Variants in IL1RAPL1 observed in about 807,000 individuals in gnomAD.
The protein encoded by IL1RAPL1 is interleukin-1 receptor accessory protein-like 1.
In IL1RAPL1, 3 loss-of-function variants were observed where a neutral mutation model predicts 48.4. The ratio of observed to expected loss-of-function variants is 0.06; its 90% CI spans 0.03 to 0.16. The LOEUF (loss-of-function observed/expected upper bound fraction) is 0.16, where lower values mean the gene tolerates loss of function less well. Ranked by LOEUF, IL1RAPL1 falls within the 10% of genes least tolerant of loss-of-function variation. IL1RAPL1 has a pLI of 1.00. For synonymous variants in IL1RAPL1, 185 were observed against 187.7 expected (o/e 0.99, Z 0.12); for missense variants, 349 against 530.6 (o/e 0.66, Z 3.36).
At chrX:29,486,293 G>A (rs1383913575) in intron 5 of IL1RAPL1, among the ~76,000 whole-genome samples, 2 of 110,395 alleles carry the variant, frequency 1.8e-5, no homozygotes, top group African/African-American at 3.3e-5. Context: ...GTGTTTGTTT[G>A]TTTTCCTGTG....
chrX:29,638,602 A>G lies in IL1RAPL1; in HGVS notation c.704-29828A>G, dbSNP rs955731711. ...CCTTGACAGTTATCAGAGTTTGTTCAGTTGAACAATGCCCAACTTGCAAAT... is the reference window on the plus strand; with the variant it reads ...CCTTGACAGTTATCAGAGTTTGTTCGGTTGAACAATGCCCAACTTGCAAAT... On this transcript the variant is annotated intron_variant, in intron 5 of 10. Transcript: ENST00000378993. Among the ~76,000 whole-genome samples the G allele has an allele frequency of 5.4e-5, 6 of 111,794 alleles. No individual in the cohort carries two copies. The Admixed American group carries it at 5.7e-4, about 11-fold the overall frequency.
At chrX:28,848,582 C>T (rs777340795) in intron 2 of IL1RAPL1, among the ~76,000 whole-genome samples, 1 of 110,873 alleles carries the variant, frequency 9.0e-6, no homozygotes, top group Admixed American at 9.6e-5. Context: ...AAAAAGAAAT[C>T]TGTCACTAGC....
intron 6 of IL1RAPL1, among the ~76,000 whole-genome samples, chrX:29,876,911 C>G (rs948735550): frequency 8.9e-6 from 1 of 111,943 alleles, no homozygotes; most frequent in Non-Finnish European, 1.9e-5. Context: ...TTTTGCAAAG[C>G]ACAAAGCAAC....
chrX:29,304,469 C>A (rs1459600937), intron 3 of IL1RAPL1, among the ~76,000 whole-genome samples: 1 of 111,860 alleles, frequency 8.9e-6, no homozygotes, highest in African/African-American at 3.3e-5. Flanking sequence ...TCTAGCAGAG[C>A]ATTGAGTTTC....
Position 29,185,835 on chromosome X carries a change from T to A in IL1RAPL1, c.83-97103T>A, listed in dbSNP as rs772687387. Among the ~76,000 whole-genome samples the A allele has an allele frequency of 1.9e-4, 18 of 95,930 alleles. No individual in the cohort carries two copies. In the South Asian group the frequency reaches 0.01, roughly 54 times the overall value. The allele number at this position is 95,930 out of a possible 115,157, so 83.3% of individuals were successfully genotyped here. A position where few individuals can be genotyped will look rare whatever the true frequency, so the allele number is the denominator to read the frequency against. On this transcript the variant is annotated intron_variant, in intron 2 of 10. Transcript: ENST00000378993. ...TTTTAGCTGGGCTCAGGTATCATGG[T>A]GTCACAGCAGCAAAAAAAAAAGGCT...
intron 2 of IL1RAPL1, among the ~76,000 whole-genome samples, chrX:29,102,821 C>G (rs939157070): frequency 1.1e-4 from 12 of 111,439 alleles, no homozygotes; most frequent in African/African-American, 2.9e-4. Context: ...GGTAGCATTT[C>G]TATATGCCAA....
intron 4 of IL1RAPL1, among the ~76,000 whole-genome samples, chrX:29,397,142 CA>C (rs772178945): frequency 8.9e-6 from 1 of 111,748 alleles, no homozygotes; most frequent in Non-Finnish European, 1.9e-5. Flanking sequence ...TGAATGTACT[CA>C]AAAAATAAAG....
chrX:29,382,291 A>G (rs1470076373), intron 3 of IL1RAPL1, among the ~76,000 whole-genome samples: 5 of 112,192 alleles, frequency 4.5e-5, no homozygotes. Context: ...TGCTATTATC[A>G]TAATGTACTT....
At chrX:29,716,914 G>A (rs1927499615) in intron 6 of IL1RAPL1, among the ~76,000 whole-genome samples, 1 of 110,926 alleles carries the variant, frequency 9.0e-6, no homozygotes, top group African/African-American at 3.3e-5. Context: ...TGAAGTACAT[G>A]TATGCCAAAC....
chrX:29,367,552 T>A (rs868819832), intron 3 of IL1RAPL1, among the ~76,000 whole-genome samples: 4 of 98,515 alleles, frequency 4.1e-5, no homozygotes, highest in South Asian at 4.9e-4. Flanking sequence ...TTCTATTTAT[T>A]TTTATTTATT....
At chrX:28,695,090 T>G (rs1477979073) in intron 1 of IL1RAPL1, among the ~76,000 whole-genome samples, 3 of 111,873 alleles carry the variant, frequency 2.7e-5, no homozygotes, top group East Asian at 5.6e-4. Context: ...ACTGAAGTAC[T>G]CCACACGGTG....
At chrX:29,394,713 C>T (rs1027802026) in intron 3 of IL1RAPL1, among the ~76,000 whole-genome samples, 47 of 111,484 alleles carry the variant, frequency 4.2e-4, no homozygotes, top group African/African-American at 1.5e-3. Context: ...GGGAATATGC[C>T]TTATTCTAGC....
At chrX:28,615,170 G>A (rs1170043127) in intron 1 of IL1RAPL1, among the ~76,000 whole-genome samples, 1 of 98,595 alleles carries the variant, frequency 1.0e-5, no homozygotes. Flanking sequence ...TTACAGGTAT[G>A]AGGCACTGCG....
At chrX:29,361,106 C>T (rs758534823) in intron 3 of IL1RAPL1, among the ~76,000 whole-genome samples, 1 of 111,724 alleles carries the variant, frequency 9.0e-6, no homozygotes, top group Admixed American at 9.6e-5. Context: ...CATACTGTAT[C>T]TGAAACCTAG....
At chrX:28,970,819 G>T (rs1399309072) in intron 2 of IL1RAPL1, among the ~76,000 whole-genome samples, 1 of 111,260 alleles carries the variant, frequency 9.0e-6, no homozygotes, top group Non-Finnish European at 1.9e-5. Context: ...TAATAAAACA[G>T]AAAGAAAACC....
At chrX:29,634,685 T>C (rs1602337883) in intron 5 of IL1RAPL1, among the ~76,000 whole-genome samples, 1 of 111,488 alleles carries the variant, frequency 9.0e-6, no homozygotes, top group African/African-American at 3.3e-5. Flanking sequence ...TTCCCTGATC[T>C]CATACCCTGG....
At chrX:29,246,063 T>G (rs1259031137) in intron 2 of IL1RAPL1, among the ~76,000 whole-genome samples, 6 of 102,357 alleles carry the variant, frequency 5.9e-5, no homozygotes, top group African/African-American at 2.0e-4. Context: ...ACCGTAGTAC[T>G]TTTGGGTGTT....
At chrX:29,504,091 G>T (rs1448879688) in intron 5 of IL1RAPL1, among the ~76,000 whole-genome samples, 1 of 109,420 alleles carries the variant, frequency 9.1e-6, no homozygotes, top group African/African-American at 3.3e-5. Flanking sequence ...CTCCTGAGTT[G>T]CTGGGATTAC....
rs375792485 is a variant in IL1RAPL1 at position 29,126,429 on chromosome X, T to A, written c.83-156509T>A. ...ATCTTGGGAGTTACGCTCTCACATA[T>A]TAAACTACACAGAAAAAGTTATATG... On this transcript the variant is annotated intron_variant, in intron 2 of 10. Transcript: ENST00000378993. Among the ~76,000 whole-genome samples the A allele has an allele frequency of 6.2e-5, 7 of 112,431 alleles. No homozygotes were observed. The East Asian group carries it at 1.4e-3, about 22-fold the overall frequency.
Sources: gnomAD v4.1 joint callset for allele counts (sites outside exome capture counted in the v4.1 genomes callset) on GRCh38, gnomAD v4.1.1 for gene constraint, MANE v1.5 for transcripts, NCBI Gene and HGNC (gene_info 2026-07-23, HGNC 2026-07-21) for gene names.